Variants in SNX25 observed in about 807,000 individuals in gnomAD.
SNX25 encodes the protein sorting nexin-25.
In SNX25, 62 loss-of-function variants were observed where a neutral mutation model predicts 113.7. The observed-to-expected ratio is 0.55, with a 90% CI of 0.44 to 0.67. SNX25 has a LOEUF of 0.67. Among genes scored for constraint, SNX25 ranks in the 30% least tolerant of loss-of-function variants. The pLI is 0.00. For synonymous variants in SNX25, 421 were observed against 436.2 expected (o/e 0.97, Z 0.43); for missense variants, 1,014 against 1,161.0 (o/e 0.87, Z 1.84).
At chr4:185,313,680 C>T (rs2095048555) in intron 7 of SNX25, among the ~76,000 whole-genome samples, 1 of 152,052 alleles carries the variant, frequency 6.6e-6, no homozygotes, top group Non-Finnish European at 1.5e-5. Flanking sequence ...GTTAAAGCAC[C>T]ACTTACAGGA....
chr4:185,309,695 G>A (rs1037639876), intron 6 of SNX25, among the ~76,000 whole-genome samples: 8 of 152,164 alleles, frequency 5.3e-5, no homozygotes, highest in African/African-American at 1.9e-4. Context: ...CCCTGGTGTA[G>A]GCCATCACTA....
intron 2 of SNX25, among the ~76,000 whole-genome samples, chr4:185,251,142 A>G (rs1745572188): frequency 6.6e-6 from 1 of 151,986 alleles, no homozygotes; most frequent in South Asian, 2.1e-4. Flanking sequence ...TTACAGGCAC[A>G]CACCACCATG....
intron 10 of SNX25, among the ~76,000 whole-genome samples, chr4:185,338,594 A>G (rs1236371629): frequency 6.6e-6 from 1 of 152,014 alleles, no homozygotes; most frequent in Non-Finnish European, 1.5e-5. Flanking sequence ...GGCACCCTAT[A>G]TTCTGTAAGT....
At chr4:185,255,225 C>T (rs959958272) in intron 2 of SNX25, among the ~76,000 whole-genome samples, 1 of 152,086 alleles carries the variant, frequency 6.6e-6, no homozygotes, top group African/African-American at 2.4e-5. Context: ...CCTACGCCTC[C>T]TGGGTTCAAG....
intron 5 of SNX25, among the ~76,000 whole-genome samples, chr4:185,271,382 A>T (rs574592935): frequency 1.3e-5 from 2 of 152,258 alleles, no homozygotes; most frequent in African/African-American, 4.8e-5. Context: ...GGTTTAAGCG[A>T]TCCTCCCACC....
At chr4:185,319,469 G>A (rs2095103074) in intron 7 of SNX25, among the ~76,000 whole-genome samples, 1 of 149,740 alleles carries the variant, frequency 6.7e-6, no homozygotes, top group South Asian at 2.1e-4. Flanking sequence ...ACAGTGCTGG[G>A]ATTACAGTCG....
intron 1 of SNX25, among the ~76,000 whole-genome samples, chr4:185,228,095 G>A (rs1741283236): frequency 6.6e-6 from 1 of 152,194 alleles, no homozygotes; most frequent in South Asian, 2.1e-4. Context: ...GGAGGTCCAT[G>A]CCAGTGTGGT....
At chr4:185,325,115 G>A (rs532880453) in intron 9 of SNX25, among the ~76,000 whole-genome samples, 1 of 152,266 alleles carries the variant, frequency 6.6e-6, no homozygotes, top group East Asian at 1.9e-4. Context: ...CTTTCTTTAA[G>A]TTTTTCAGCA....
chr4:185,341,891 C>A, intron 11 of SNX25, 85 bp from the exon 12 acceptor site: 1 of 1,412,630 alleles, frequency 7.1e-7, no homozygotes, highest in Non-Finnish European at 9.4e-7. Context: ...GGAGGGAAAT[C>A]TCCTTAGGGG....
chr4:185,267,229 A>G (rs1192637734), intron 5 of SNX25, 74 bp downstream of exon 5: 1 of 1,431,568 alleles, frequency 7.0e-7, no homozygotes, highest in East Asian at 2.3e-5. Flanking sequence ...TAAAAAAAAA[A>G]AAAAGTAGTT....
exon 12 of SNX25, chr4:185,369,856 T>C: frequency 2.5e-6 from 1 of 400,330 alleles, no homozygotes; most frequent in South Asian, 1.9e-5. Context: ...GATTTTAACA[T>C]GCAGAGAAGC....
Position 185,267,052 on chromosome 4 carries a change from A to G in SNX25, c.988A>G (p.Met330Val). ...TGCCCAGCTGGCGTACAGAGAGCAA[A>G]TGAATGAGCATCACAAGAGAGCCTA... ...LLAQLAYREQMNEHHKRAYTY... is the reference protein window; with the variant it reads ...LLAQLAYREQVNEHHKRAYTY... The change falls in exon 5 of 19, where the codon ATG (methionine) becomes GTG (valine). Residue 330 changes from methionine (M) to valine (V), a missense_variant. Coordinates refer to ENST00000652585, the MANE Select transcript of SNX25 (RefSeq NM_001378034.2). 6.2e-7 allele frequency: 1 copy of G among 1,614,100 alleles called. No individual in the cohort carries two copies. The highest frequency in any genetic ancestry group is 8.5e-7 in the Non-Finnish European group (1 of 1,179,980).
At chr4:185,306,200 C>T (rs1197785422) in intron 6 of SNX25, among the ~76,000 whole-genome samples, 1 of 152,202 alleles carries the variant, frequency 6.6e-6, no homozygotes, top group African/African-American at 2.4e-5. Flanking sequence ...ACTGGATTTA[C>T]AAGGATTTTT....
chr4:185,357,396 T>C (rs1370816409), intron 15 of SNX25, among the ~76,000 whole-genome samples: 2 of 152,138 alleles, frequency 1.3e-5, no homozygotes, highest in African/African-American at 4.8e-5. Context: ...CAGGGACAGA[T>C]GAAGCACTCT....
intron 1 of SNX25, among the ~76,000 whole-genome samples, chr4:185,230,888 A>G (rs1431099465): frequency 2.0e-5 from 3 of 152,202 alleles, no homozygotes; most frequent in Non-Finnish European, 4.4e-5. Context: ...CAAATTCCCC[A>G]AGTGATTCTT....
intron 15 of SNX25, among the ~76,000 whole-genome samples, chr4:185,354,900 G>A (rs1313133874): frequency 6.6e-6 from 1 of 152,224 alleles, no homozygotes; most frequent in Non-Finnish European, 1.5e-5. Context: ...AAGAGCAAGG[G>A]TTAGTAAGAC....
At chr4:185,310,099 A>G (rs1235294048) in intron 6 of SNX25, among the ~76,000 whole-genome samples, 1 of 152,206 alleles carries the variant, frequency 6.6e-6, no homozygotes, top group Non-Finnish European at 1.5e-5. Context: ...AATTTCCTCA[A>G]AGAAGCCTGA....
chr4:185,261,248 G>A (rs1337188985), intron 3 of SNX25, among the ~76,000 whole-genome samples: 1 of 151,770 alleles, frequency 6.6e-6, no homozygotes, highest in South Asian at 2.1e-4. Context: ...TGCGATCTTG[G>A]CTCACTGCAA....
chr4:185,212,003 A>G (rs1250205365), intron 1 of SNX25, among the ~76,000 whole-genome samples: 1 of 152,240 alleles, frequency 6.6e-6, no homozygotes, highest in Non-Finnish European at 1.5e-5. Flanking sequence ...GTGACAGAGA[A>G]AATGAAGCAG....
Sources: gnomAD v4.1 joint callset for allele counts (sites outside exome capture counted in the v4.1 genomes callset) on GRCh38, gnomAD v4.1.1 for gene constraint, MANE v1.5 for transcripts, NCBI Gene and HGNC (gene_info 2026-07-23, HGNC 2026-07-21) for gene names.